PKD1L1: variants seen among roughly 807,000 people sequenced by gnomAD.
PKD1L1 encodes the protein polycystin 1 like 1, transient receptor potential channel interacting.
In PKD1L1, 236 loss-of-function variants were observed where a neutral mutation model predicts 323.4. The ratio of observed to expected loss-of-function variants is 0.73; its 90% CI spans 0.66 to 0.81. The LOEUF (loss-of-function observed/expected upper bound fraction) is 0.81, where lower values mean the gene tolerates loss of function less well. Among genes scored for constraint, PKD1L1 ranks in the 40% least tolerant of loss-of-function variants. The pLI is 0.00. For synonymous variants in PKD1L1, 1,344 were observed against 1,335.0 expected (o/e 1.01, Z -0.15); for missense variants, 3,320 against 3,508.0 (o/e 0.95, Z 1.35).
intron 4 of PKD1L1, among the ~76,000 whole-genome samples, chr7:47,935,200 A>T (rs1787845506): frequency 6.6e-6 from 1 of 152,214 alleles, no homozygotes; most frequent in Non-Finnish European, 1.5e-5. Context: ...TAAGCTGCGA[A>T]ATTCTTCATT....
chr7:47,843,201 T>C (rs1314126681), intron 33 of PKD1L1, 32 bp from the exon 34 acceptor site: 15 of 1,542,154 alleles, frequency 9.7e-6, no homozygotes, highest in Non-Finnish European at 1.2e-5. Context: ...TAAAGAAAAT[T>C]GCTCATGAAA....
At chr7:47,809,941 T>C (rs1562940398) in intron 50 of PKD1L1, among the ~76,000 whole-genome samples, 1 of 152,218 alleles carries the variant, frequency 6.6e-6, no homozygotes, top group Non-Finnish European at 1.5e-5. Context: ...TCTGTGTACA[T>C]GTGAAATAGA....
intron 18 of PKD1L1, 24 bp from the exon 19 acceptor site, chr7:47,884,681 A>C: frequency 6.3e-7 from 1 of 1,590,068 alleles, no homozygotes; most frequent in Non-Finnish European, 8.6e-7. Flanking sequence ...CAAAATCATA[A>C]TGTTTCCTTT....
intron 33 of PKD1L1, 128 bp from the exon 34 acceptor site, chr7:47,843,297 C>G (rs1000954963): frequency 2.7e-6 from 2 of 730,772 alleles, no homozygotes; most frequent in African/African-American, 3.6e-5. Flanking sequence ...CATTTTTACA[C>G]TTGCTGGAAG....
rs1584961528 is a variant in PKD1L1, at chr7:47,813,350, A to C, written c.7174-57T>G. 15 of 1,588,370 alleles carry C rather than the reference A, an allele frequency of 9.4e-6. No individual in the cohort carries two copies. The East Asian group carries it at 3.4e-4, about 36-fold the overall frequency. ...GATACTATTCCCAAGGCTACCCTGC[A>C]ATCCGGGGTCTCCAGGCCTGGCCAC... On this transcript the variant is annotated intron_variant, in intron 48 of 56. Coordinates refer to ENST00000289672, the MANE Select transcript of PKD1L1 (RefSeq NM_138295.5).
intron 56 of PKD1L1, among the ~76,000 whole-genome samples, chr7:47,777,971 A>G (rs565115116): frequency 6.6e-6 from 1 of 152,354 alleles, no homozygotes; most frequent in Admixed American, 6.5e-5. Flanking sequence ...CCTGGGCAGT[A>G]GCTGGGGCCT....
intron 26 of PKD1L1, among the ~76,000 whole-genome samples, chr7:47,861,883 A>T (rs371266469): frequency 1.3e-3 from 179 of 140,306 alleles, no homozygotes; most frequent in African/African-American, 4.6e-3. Context: ...TCTGTCTCAA[A>T]AAAAAAAAAA....
intron 41 of PKD1L1, among the ~76,000 whole-genome samples, chr7:47,832,323 G>T (rs886262923): frequency 6.6e-6 from 1 of 152,146 alleles, no homozygotes; most frequent in African/African-American, 2.4e-5. Flanking sequence ...GAGGGTCGTC[G>T]GTCCTTGGGA....
At chr7:47,877,733 T>G in intron 21 of PKD1L1, 102 bp from the exon 22 acceptor site, 1 of 1,370,630 alleles carries the variant, frequency 7.3e-7, no homozygotes, top group Non-Finnish European at 9.8e-7. Context: ...GTTCTCAAAG[T>G]AGGGTCCCCA....
At chr7:47,830,946 C>T (rs1405094450) in intron 42 of PKD1L1, among the ~76,000 whole-genome samples, 1 of 152,218 alleles carries the variant, frequency 6.6e-6, no homozygotes, top group Non-Finnish European at 1.5e-5. Context: ...TCCTTCCTTC[C>T]TTGGGTGGGC....
chr7:47,846,768 C>T, intron 32 of PKD1L1, 111 bp downstream of exon 32: 1 of 993,490 alleles, frequency 1.0e-6, no homozygotes, highest in Non-Finnish European at 1.5e-6. Context: ...CAAGAGAGCT[C>T]CAGCTTCTTA....
chr7:47,956,562 A>G, the PKD1L1 span, among the ~76,000 whole-genome samples: 1 of 152,200 alleles, frequency 6.6e-6, no homozygotes, highest in African/African-American at 2.4e-5. Context: ...GGACAGACCT[A>G]CTATACAAGG....
At chr7:47,885,610 C>T (rs1209153538) in intron 18 of PKD1L1, 76 bp downstream of exon 18, 2 of 1,528,290 alleles carry the variant, frequency 1.3e-6, no homozygotes, top group African/African-American at 1.4e-5. Context: ...ACACCTTACC[C>T]ACCAGATTCA....
chr7:47,796,409 G>C (rs1422377754), intron 54 of PKD1L1, among the ~76,000 whole-genome samples: 2 of 152,172 alleles, frequency 1.3e-5, no homozygotes, highest in African/African-American at 4.8e-5. Context: ...TAACTTTGGA[G>C]ACTGAGATTA....
chr7:47,866,801 T>A (rs1030425691), intron 24 of PKD1L1, among the ~76,000 whole-genome samples, 187 bp from the exon 25 acceptor site: 1 of 152,114 alleles, frequency 6.6e-6, no homozygotes, highest in African/African-American at 2.4e-5. Context: ...TAAGTCATAA[T>A]ATAAAATTTT....
rs774044521 is a variant in PKD1L1, at chr7:47,904,610, C to T, written c.1699G>A (p.Val567Met). Reference sequence around the variant, plus strand: ...ATCCTGTTGGAAGCCTTAACCATCACACGATACCTGCAGGATGGGGAAAGG... The same window carrying T: ...ATCCTGTTGGAAGCCTTAACCATCATACGATACCTGCAGGATGGGGAAAGG... ...KRLSIPQWYRVMVKASNRMSS... is the reference protein window; with the variant it reads ...KRLSIPQWYRMMVKASNRMSS... Residue 567 changes from valine to methionine, a missense_variant, in exon 12 of 57, where the codon GTG becomes ATG. Physicochemically the swap from Val to Met is conservative, Grantham distance 21. Coordinates refer to ENST00000289672, the MANE Select transcript of PKD1L1 (RefSeq NM_138295.5). 1.2e-6 allele frequency: 2 copies of T among 1,611,554 alleles called. No homozygotes were observed. The highest frequency in any genetic ancestry group is 2.7e-5 in the African/African-American group (2 of 74,922).
intron 56 of PKD1L1, among the ~76,000 whole-genome samples, chr7:47,776,785 C>T (rs1318984879): frequency 6.6e-6 from 1 of 152,206 alleles, no homozygotes; most frequent in Non-Finnish European, 1.5e-5. Context: ...GAGAAAGGTA[C>T]AGGAGCAAAG....
Position 47,888,132 on chromosome 7 carries a change from C to T in PKD1L1, c.2694G>A (p.Trp898Ter). The change falls in exon 17 of 57, where the codon TGG (tryptophan) becomes TGA (stop). Residue 898 changes from tryptophan to a stop codon, truncating the protein, a stop_gained. Coordinates refer to ENST00000289672, the MANE Select transcript of PKD1L1 (RefSeq NM_138295.5). LOFTEE classifies it high-confidence loss of function. ...TGACGAAGGTGTCTTTAAAGCTGACCCAGGAGATGTGGACGAATCTGAAAT... is the reference window on the plus strand; with the variant it reads ...TGACGAAGGTGTCTTTAAAGCTGACTCAGGAGATGTGGACGAATCTGAAAT... The part of the protein sequence containing the change: ...DSAFRFVHIS[W>*]VSFKDTFVNW... The T allele has an allele frequency of 6.2e-7, 1 of 1,613,256 alleles. No homozygotes were observed. The highest frequency in any genetic ancestry group is 8.5e-7 in the Non-Finnish European group (1 of 1,179,616).
chr7:47,792,881 A>T, intron 55 of PKD1L1, 84 bp from the exon 56 acceptor site: 1 of 1,301,894 alleles, frequency 7.7e-7, no homozygotes, highest in Non-Finnish European at 1.1e-6. Context: ...ATTTAGGGGT[A>T]TCATCTGTAG....
Sources: gnomAD v4.1 joint callset for allele counts (sites outside exome capture counted in the v4.1 genomes callset) on GRCh38, gnomAD v4.1.1 for gene constraint, MANE v1.5 for transcripts, NCBI Gene and HGNC (gene_info 2026-07-23, HGNC 2026-07-21) for gene names.